EPB41: variants seen among roughly 807,000 people sequenced by gnomAD.
EPB41 encodes the protein erythrocyte membrane protein band 4.1.
In EPB41, 65 loss-of-function variants were observed where a neutral mutation model predicts 108.0. That is an observed-to-expected ratio of 0.60 (90% CI 0.49 to 0.74). The LOEUF (loss-of-function observed/expected upper bound fraction) is 0.74. Among genes scored for constraint, EPB41 ranks in the 30% least tolerant of loss-of-function variants. The probability of loss-of-function intolerance (pLI) is 0.00; values close to 1 mark genes in which losing one functional copy is unlikely to be tolerated. For missense variants in EPB41, 875 were observed against 1,037.0 expected, an observed-to-expected ratio of 0.84 and a Z score of 2.15; for synonymous variants, 336 against 358.9, an observed-to-expected ratio of 0.94 and a Z score of 0.72.
At chr1:29,067,294 G>A (rs1221903749) in intron 16 of EPB41, among the ~76,000 whole-genome samples, 11 of 151,636 alleles carry the variant, frequency 7.3e-5, no homozygotes, top group South Asian at 4.2e-4. Flanking sequence ...TCAGGAGATC[G>A]AGACCATCCT....
At position 29,112,401 on chromosome 1, in the gene EPB41, G is replaced by GA; in HGVS notation, c.2453dup (p.Arg819GlufsTer9). The GA allele has an allele frequency of 6.2e-7, 1 of 1,613,826 alleles. No homozygotes were observed. The highest frequency in any genetic ancestry group is 8.5e-7 in the Non-Finnish European group (1 of 1,179,920). On this transcript the variant is annotated frameshift_variant, in exon 19 of 21. Coordinates refer to ENST00000343067, the MANE Select transcript of EPB41 (RefSeq NM_001376013.1). LOFTEE classifies it high-confidence loss of function. ...AGGTGGGATTTCAGAGACACGTATT[G>GA]AAAAGAGAATTGTGATCACAGGAGA...
chr1:28,930,251 G>A (rs2093672359), intron 1 of EPB41, among the ~76,000 whole-genome samples: 1 of 147,524 alleles, frequency 6.8e-6, no homozygotes, highest in African/African-American at 2.5e-5. Context: ...TGAACTCCTG[G>A]GCTCAAGTGA....
chr1:28,984,003 C>T (rs1243955756), intron 1 of EPB41, among the ~76,000 whole-genome samples: 1 of 141,214 alleles, frequency 7.1e-6, no homozygotes, highest in Non-Finnish European at 1.5e-5. Flanking sequence ...AAGTGGCTCT[C>T]AGCGGGAAGG....
chr1:29,029,773 G>A (rs1186908805), intron 7 of EPB41, among the ~76,000 whole-genome samples: 1 of 152,110 alleles, frequency 6.6e-6, no homozygotes, highest in Admixed American at 6.6e-5. Context: ...ATTAATAACA[G>A]AGAAAACAGC....
At position 28,987,515 on chromosome 1, in the gene EPB41, A is replaced by C. The variant is rs1571991316; in HGVS notation, c.78A>C (p.Ile26=). 6.2e-7 allele frequency: 1 copy of C among 1,614,188 alleles called. No individual in the cohort carries two copies. The highest frequency in any genetic ancestry group is 1.3e-5 in the African/African-American group (1 of 75,038). ...AGAAGGAAGAGGGTGAGGAAGCCATAAACTCAGGCCAACAAGAACCTCAGC... is the reference window on the plus strand; with the variant it reads ...AGAAGGAAGAGGGTGAGGAAGCCATCAACTCAGGCCAACAAGAACCTCAGC... ...HQQKEEGEEA[I]NSGQQEPQQE... The change falls in exon 2 of 21, where the codon ATA becomes ATC. Residue 26 remains isoleucine (I), a synonymous_variant. Coordinates refer to ENST00000343067, the MANE Select transcript of EPB41 (RefSeq NM_001376013.1).
intron 1 of EPB41, among the ~76,000 whole-genome samples, chr1:28,923,387 G>A (rs2093255963): frequency 1.3e-5 from 2 of 152,076 alleles, no homozygotes; most frequent in African/African-American, 4.8e-5. Flanking sequence ...GAGCCACTGC[G>A]CTTGGCAACC....
intron 9 of EPB41, among the ~76,000 whole-genome samples, chr1:29,033,579 G>T (rs1638270025): frequency 6.6e-6 from 1 of 152,032 alleles, no homozygotes; most frequent in Non-Finnish European, 1.5e-5. Flanking sequence ...TATTTATAGG[G>T]ATAAATTACT....
intron 12 of EPB41, among the ~76,000 whole-genome samples, chr1:29,058,127 AT>A (rs1343825447): frequency 6.6e-6 from 1 of 152,086 alleles, no homozygotes; most frequent in African/African-American, 2.4e-5. Context: ...TTAACTAAAG[AT>A]TTTCTTTTTC....
intron 1 of EPB41, among the ~76,000 whole-genome samples, chr1:28,978,851 G>T (rs891520453): frequency 6.6e-6 from 1 of 151,368 alleles, no homozygotes; most frequent in African/African-American, 2.5e-5. Flanking sequence ...AGGTCTTGAG[G>T]ATGAGAGTTA....
chr1:28,906,864 C>G (rs896086374), intron 1 of EPB41, among the ~76,000 whole-genome samples: 3 of 150,492 alleles, frequency 2.0e-5, no homozygotes, highest in Non-Finnish European at 2.9e-5. Context: ...CAAGCTCTGC[C>G]TCACGGGTTC....
chr1:29,045,302 A>G (rs934136472), intron 11 of EPB41, among the ~76,000 whole-genome samples: 1 of 152,024 alleles, frequency 6.6e-6, no homozygotes, highest in African/African-American at 2.4e-5. Flanking sequence ...TGGTGTAGGT[A>G]ACTTGTGCAT....
At chr1:28,990,785 G>C (rs1026646022) in intron 2 of EPB41, among the ~76,000 whole-genome samples, 2 of 152,132 alleles carry the variant, frequency 1.3e-5, no homozygotes, top group African/African-American at 4.8e-5. Flanking sequence ...TCTTGTTTTA[G>C]TTAACATTTG....
At chr1:29,108,224 C>G (rs1304425073) in intron 17 of EPB41, among the ~76,000 whole-genome samples, 2 of 149,220 alleles carry the variant, frequency 1.3e-5, no homozygotes, top group Non-Finnish European at 3.0e-5. Flanking sequence ...TCTCAGCTCT[C>G]CACAACCTCT....
At chr1:28,921,790 T>C (rs2093091501) in intron 1 of EPB41, among the ~76,000 whole-genome samples, 1 of 151,626 alleles carries the variant, frequency 6.6e-6, no homozygotes, top group African/African-American at 2.4e-5. Flanking sequence ...GAAAATGAGC[T>C]CTTTGTGAGG....
chr1:28,901,778 C>T (rs2091347157), intron 1 of EPB41, among the ~76,000 whole-genome samples: 1 of 152,132 alleles, frequency 6.6e-6, no homozygotes, highest in Non-Finnish European at 1.5e-5. Flanking sequence ...TGGTGATCCA[C>T]CCACCTCAGC....
intron 1 of EPB41, among the ~76,000 whole-genome samples, chr1:28,925,836 G>A (rs2093414963): frequency 6.6e-6 from 1 of 152,144 alleles, no homozygotes; most frequent in African/African-American, 2.4e-5. Flanking sequence ...TTGGAGACGG[G>A]AGTTCTTGGG....
intron 1 of EPB41, among the ~76,000 whole-genome samples, chr1:28,984,520 C>G (rs556635361): frequency 6.0e-4 from 91 of 152,196 alleles, no homozygotes; most frequent in African/African-American, 2.1e-3. Flanking sequence ...TGCTAGGTGC[C>G]TGATAAGAAT....
upstream of EPB41, among the ~76,000 whole-genome samples, chr1:28,912,217 G>C (rs2092294949): frequency 6.6e-6 from 1 of 152,186 alleles, no homozygotes; most frequent in African/African-American, 2.4e-5. Context: ...TACAGTCCCT[G>C]CCTTCCTGAG....
At chr1:29,056,357 G>A (rs1286456873) in intron 12 of EPB41, among the ~76,000 whole-genome samples, 2 of 151,982 alleles carry the variant, frequency 1.3e-5, no homozygotes, top group Admixed American at 1.3e-4. Flanking sequence ...CCTTGTAACT[G>A]TAAATTTCAT....
Sources: allele counts gnomAD v4.1 joint callset (sites outside exome capture counted in the v4.1 genomes callset), GRCh38; gene constraint gnomAD v4.1.1; transcripts MANE v1.5; gene names NCBI Gene and HGNC (gene_info 2026-07-23, HGNC 2026-07-21).